Variants in NLRC4 observed in about 807,000 individuals in gnomAD.
The protein encoded by NLRC4 is NLR family CARD domain containing 4, also known as NLR family CARD domain-containing protein 4.
A neutral mutation model predicts 79.9 loss-of-function variants in NLRC4; 63 were observed. That is an observed-to-expected ratio of 0.79 (90% confidence interval 0.64 to 0.97). The LOEUF (loss-of-function observed/expected upper bound fraction) is 0.97. Among genes scored for constraint, NLRC4 ranks in the 50% least tolerant of loss-of-function variants. The probability of loss-of-function intolerance (pLI) is 0.00; values close to 1 mark genes in which losing one functional copy is unlikely to be tolerated. For missense variants in NLRC4, 1,074 were observed against 1,215.2 expected (o/e 0.88, Z 1.73); for synonymous variants, 461 against 456.5 (o/e 1.01, Z -0.12).
chr2:32,249,466 A>T (rs760781318), intron 4 of NLRC4, 141 bp downstream of exon 4: 3 of 698,670 alleles, frequency 4.3e-6, no homozygotes, highest in Non-Finnish European at 7.2e-6. Context: ...GGTTGGAGGC[A>T]TGTTTCTCAG....
intron 8 of NLRC4, among the ~76,000 whole-genome samples, chr2:32,228,330 C>T (rs960607173): frequency 6.6e-6 from 1 of 152,098 alleles, no homozygotes; most frequent in Non-Finnish European, 1.5e-5. Flanking sequence ...AACTGCCCCC[C>T]GGGAAAAGGC....
intron 4 of NLRC4, among the ~76,000 whole-genome samples, chr2:32,245,911 T>C (rs993895918): frequency 1.3e-5 from 2 of 152,170 alleles, no homozygotes; most frequent in African/African-American, 4.8e-5. Context: ...GGGCCAGGTG[T>C]GGTGGCTCAC....
chr2:32,236,810 T>C (rs574037189), intron 6 of NLRC4, among the ~76,000 whole-genome samples: 3 of 152,304 alleles, frequency 2.0e-5, no homozygotes, highest in African/African-American at 7.2e-5. Flanking sequence ...TAGATGATTT[T>C]ATTGACATAA....
At chr2:32,234,765 C>G (rs1222065500) in intron 8 of NLRC4, among the ~76,000 whole-genome samples, 3 of 152,322 alleles carry the variant, frequency 2.0e-5, no homozygotes, top group Middle Eastern at 3.4e-3. Context: ...CTCCAGCAGC[C>G]CCTCTCATGA....
intron 8 of NLRC4, among the ~76,000 whole-genome samples, chr2:32,230,225 G>T (rs964570596): frequency 6.6e-6 from 1 of 152,162 alleles, no homozygotes; most frequent in African/African-American, 2.4e-5. Flanking sequence ...AATAGGAGAC[G>T]CTGAGTACTG....
At chr2:32,232,415 G>A (rs932301083) in intron 8 of NLRC4, among the ~76,000 whole-genome samples, 1 of 152,124 alleles carries the variant, frequency 6.6e-6, no homozygotes, top group Non-Finnish European at 1.5e-5. Context: ...GAAATTTAAG[G>A]ACAATCCAGG....
In NLRC4 at chr2:32,261,316, C is replaced by CTTTTTTTTTTTTTTTTTTTTTTTT. The variant is rs751434892; in HGVS notation, c.-119+3421_-119+3422insAAAAAAAAAAAAAAAAAAAAAAAA. 7.9e-3 allele frequency among the ~76,000 whole-genome samples: 760 copies of CTTTTTTTTTTTTTTTTTTTTTTTT among 96,760 alleles called. 123 individuals are homozygous for CTTTTTTTTTTTTTTTTTTTTTTTT. Among genetic ancestry groups the CTTTTTTTTTTTTTTTTTTTTTTTT allele is most frequent in the Middle Eastern group, 0.011 (2 of 176 alleles). The allele number at this position is 96,760 out of a possible 152,430, so 63.5% of individuals were successfully genotyped here. A position where few individuals can be genotyped will look rare whatever the true frequency, so the allele number is the denominator to read the frequency against. On this transcript the variant is annotated intron_variant, in intron 1 of 8. Coordinates refer to ENST00000402280, the MANE Select transcript of NLRC4 (RefSeq NM_001199138.2). ...TTCTTTCGCCTATTAAGCCTCCCCC[C>CTTTTTTTTTTTTTTTTTTTTTTTT]TTTTGTTTTTTTTTGAGATGGAGCC... is the stretch of plus-strand genomic sequence containing the variant.
At chr2:32,244,888 AGGAG>A (rs1686894288) in intron 4 of NLRC4, among the ~76,000 whole-genome samples, 1 of 151,394 alleles carries the variant, frequency 6.6e-6, no homozygotes, top group South Asian at 2.1e-4. Flanking sequence ...GAGAGGAAGA[AGGAG>A]GAGGAGGAGG....
At chr2:32,245,228 T>C (rs748863108) in intron 4 of NLRC4, among the ~76,000 whole-genome samples, 6 of 147,650 alleles carry the variant, frequency 4.1e-5, no homozygotes, top group Non-Finnish European at 7.4e-5. Flanking sequence ...AGAGAATCAC[T>C]TGAACCTGGG....
chr2:32,249,210 C>T (rs190837415), intron 4 of NLRC4, among the ~76,000 whole-genome samples: 34 of 152,294 alleles, frequency 2.2e-4, no homozygotes, highest in African/African-American at 7.5e-4. Context: ...CATTCAAAGC[C>T]GTCTTGGGCT....
intron 1 of NLRC4, among the ~76,000 whole-genome samples, chr2:32,258,057 G>C (rs1440087256): frequency 2.0e-5 from 3 of 152,156 alleles, no homozygotes; most frequent in Admixed American, 6.5e-5. Context: ...CGTGGTCTTG[G>C]AGAATGAGCG....
chr2:32,251,400 T>C lies in NLRC4; in HGVS notation c.464A>G (p.Asn155Ser), dbSNP rs140652022. 6.2e-7 allele frequency: 1 copy of C among 1,614,080 alleles called. No individual in the cohort carries two copies. The highest frequency in any genetic ancestry group is 8.5e-7 in the Non-Finnish European group (1 of 1,179,988). Residue 155 changes from asparagine to serine, a missense_variant, in exon 4 of 9, where the codon AAT becomes AGT. By Grantham distance (46) the Asn-to-Ser change is conservative. Transcript: ENST00000402280. ...HHHRVEQLTL[N>S]GLLQALQSPC... is the part of the protein sequence containing the mutation. ...GCTCTGAAGAGCCTGCAGGAGGCCA[T>C]TCAGGGTCAGCTGCTCCACGCGGTG...
Position 32,238,281 on chromosome 2 carries a change from T to C in NLRC4, c.2372A>G (p.Lys791Arg). The C allele has an allele frequency of 6.2e-7, 1 of 1,610,768 alleles. No individual in the cohort carries two copies. Among genetic ancestry groups the C allele is most frequent in the Admixed American group, 1.7e-5 (1 of 59,190 alleles). ...IKLAEGLKNLKKMCLFHLTHL... is the reference protein window; with the variant it reads ...IKLAEGLKNLRKMCLFHLTHL... ...GGTCAAATGAAATAAACACATCTTC[T>C]TCAGGTTTTTCAGGCCTTCAGCTGA... Residue 791 changes from lysine to arginine, a missense_variant, in exon 6 of 9, where the codon AAG (lysine) becomes AGG (arginine). Coordinates refer to ENST00000402280, the MANE Select transcript of NLRC4 (RefSeq NM_001199138.2).
intron 1 of NLRC4, among the ~76,000 whole-genome samples, chr2:32,263,276 C>T (rs183304830): frequency 6.6e-6 from 1 of 152,138 alleles, no homozygotes; most frequent in Non-Finnish European, 1.5e-5. Context: ...AGGTAAGTAT[C>T]CCTAGACATG....
chr2:32,261,388 T>C (rs1687347655), intron 1 of NLRC4, among the ~76,000 whole-genome samples: 1 of 138,292 alleles, frequency 7.2e-6, no homozygotes, highest in Non-Finnish European at 1.5e-5. Context: ...CTCAGCTCAC[T>C]GCAACCTCTG....
chr2:32,249,679 CATCTT>C lies in NLRC4; in HGVS notation c.2180_2184del (p.Glu727GlyfsTer17). The C allele has an allele frequency of 6.2e-7, 1 of 1,613,994 alleles. No individual in the cohort carries two copies. On this transcript the variant is annotated frameshift_variant, in exon 4 of 9. Coordinates refer to ENST00000402280, the MANE Select transcript of NLRC4 (RefSeq NM_001199138.2). LOFTEE classifies it high-confidence loss of function. ...TTTGTTACAGATGTGATGTGCCTCT[CATCTT>C]CTATGGTGAGGGGACTGGCTTCCAC...
At chr2:32,234,398 CAAAG>C (rs902368320) in intron 8 of NLRC4, among the ~76,000 whole-genome samples, 7 of 151,690 alleles carry the variant, frequency 4.6e-5, no homozygotes, top group African/African-American at 1.4e-4. Context: ...AAACAAAAAA[CAAAG>C]AACAAAAACA....
At chr2:32,235,628 G>T in intron 7 of NLRC4, 60 bp from the exon 8 acceptor site, 2 of 1,344,766 alleles carry the variant, frequency 1.5e-6, no homozygotes, top group South Asian at 1.2e-5. Flanking sequence ...GAAGAACAAA[G>T]GGGTGTTAGG....
chr2:32,254,689 G>A (rs1320698853), intron 2 of NLRC4, among the ~76,000 whole-genome samples: 1 of 142,902 alleles, frequency 7.0e-6, no homozygotes, highest in Non-Finnish European at 1.5e-5. Flanking sequence ...CGCGATCTCA[G>A]CTCACCACAA....
Sources: allele counts gnomAD v4.1 joint callset (sites outside exome capture counted in the v4.1 genomes callset), GRCh38; gene constraint gnomAD v4.1.1; transcripts MANE v1.5; gene names NCBI Gene and HGNC (gene_info 2026-07-23, HGNC 2026-07-21).